The following TPST1 variants were observed in gnomAD, a reference collection of about 807,000 sequenced individuals.
The protein encoded by TPST1 is protein-tyrosine sulfotransferase 1.
TPST1 carries 20 observed loss-of-function variants against 34.8 expected under a neutral mutation model. The ratio of observed to expected loss-of-function variants is 0.57; its 90% CI spans 0.40 to 0.84. The LOEUF (loss-of-function observed/expected upper bound fraction) is 0.84. TPST1 is among the 40% of genes least tolerant of loss of function. TPST1 has a pLI of 0.00. For missense variants in TPST1, 353 were observed against 455.5 expected (o/e 0.78, Z 2.05); for synonymous variants, 152 against 159.4 (o/e 0.95, Z 0.35).
chr7:66,277,770 G>A (rs1238479435), intron 2 of TPST1, among the ~76,000 whole-genome samples: 1 of 152,000 alleles, frequency 6.6e-6, no homozygotes, highest in Non-Finnish European at 1.5e-5. Context: ...GACCTGACTG[G>A]TGTTTTAAAG....
intron 3 of TPST1, among the ~76,000 whole-genome samples, chr7:66,305,865 C>T (rs970052695): frequency 6.6e-6 from 1 of 152,204 alleles, no homozygotes; most frequent in African/African-American, 2.4e-5. Context: ...TTGGCCATTT[C>T]ACTTAAGTTG....
intron 1 of TPST1, among the ~76,000 whole-genome samples, chr7:66,219,915 T>G (rs1164806179): frequency 1.3e-5 from 2 of 152,198 alleles, no homozygotes; most frequent in East Asian, 3.8e-4. Context: ...TACCTTATTT[T>G]TCGTTGCAGC....
rs534342022 is a variant in TPST1, at chr7:66,340,076, C to G, written c.1045-12429C>G. Among the ~76,000 whole-genome samples, 6 of 152,186 alleles carry G rather than the reference C, an allele frequency of 3.9e-5. No individual in the cohort carries two copies. In the East Asian group the frequency reaches 1.2e-3, roughly 29 times the overall value. ...TTCGGTGAGGTGTAGTGGCTCATGC[C>G]TGTAATCCCAGCAATTTGGGAGGCT... On this transcript the variant is annotated intron_variant, in intron 3 of 5. Coordinates refer to ENST00000304842, the MANE Select transcript of TPST1 (RefSeq NM_003596.4).
intron 3 of TPST1, among the ~76,000 whole-genome samples, chr7:66,314,317 T>C (rs933512770): frequency 6.6e-6 from 1 of 152,196 alleles, no homozygotes; most frequent in Non-Finnish European, 1.5e-5. Context: ...GGAGGATCGC[T>C]TAAGCCCAGG....
At chr7:66,353,111 T>C (rs910503436) in intron 4 of TPST1, among the ~76,000 whole-genome samples, 1 of 152,136 alleles carries the variant, frequency 6.6e-6, no homozygotes, top group African/African-American at 2.4e-5. Context: ...AGTCGGGAGT[T>C]CAAGACCAGC....
In TPST1 at chr7:66,319,886, G is replaced by T. The variant is rs560279694; in HGVS notation, c.1045-32619G>T. Among the ~76,000 whole-genome samples, 4 of 152,144 alleles carry T rather than the reference G, an allele frequency of 2.6e-5. No individual in the cohort carries two copies. The East Asian group carries it at 7.7e-4, about 29-fold the overall frequency. The stretch of plus-strand genomic sequence containing the variant: ...CCAGAAATATTTATTTTTCTTTCCA[G>T]GGAGGCATTAGCAGTACCCTGGAAG... On this transcript the variant is annotated intron_variant, in intron 3 of 5. Transcript: ENST00000304842.
At chr7:66,353,398 G>C (rs1262563382) in intron 4 of TPST1, among the ~76,000 whole-genome samples, 1 of 152,206 alleles carries the variant, frequency 6.6e-6, no homozygotes, top group Non-Finnish European at 1.5e-5. Context: ...GAGCCCATGA[G>C]GTGGAGGTTG....
intron 2 of TPST1, among the ~76,000 whole-genome samples, chr7:66,264,073 C>G (rs943569957): frequency 3.3e-5 from 5 of 152,184 alleles, no homozygotes; most frequent in African/African-American, 1.2e-4. Context: ...TTTGTTTTGC[C>G]TTCTTAGGTG....
chr7:66,199,889 T>C, the TPST1 span, among the ~76,000 whole-genome samples: 1 of 151,908 alleles, frequency 6.6e-6, no homozygotes, highest in Admixed American at 6.6e-5. Flanking sequence ...AATTGTTGTA[T>C]TTTTAGAGAG....
At chr7:66,327,310 A>G (rs1381146196) in intron 3 of TPST1, among the ~76,000 whole-genome samples, 2 of 152,246 alleles carry the variant, frequency 1.3e-5, no homozygotes, top group African/African-American at 2.4e-5. Flanking sequence ...GGATTATATT[A>G]GAGTTTACAA....
At chr7:66,243,466 T>G (rs1233059831) in intron 2 of TPST1, among the ~76,000 whole-genome samples, 1 of 152,090 alleles carries the variant, frequency 6.6e-6, no homozygotes, top group African/African-American at 2.4e-5. Context: ...GTTTTTGAGA[T>G]GGAGTCTCTC....
intron 2 of TPST1, among the ~76,000 whole-genome samples, chr7:66,263,525 G>A (rs901907521): frequency 1.3e-5 from 2 of 152,064 alleles, no homozygotes; most frequent in South Asian, 2.1e-4. Context: ...GCAAGCTACC[G>A]GTTTCAGAAC....
intron 4 of TPST1, among the ~76,000 whole-genome samples, chr7:66,356,488 G>A (rs991630349): frequency 4.6e-5 from 7 of 152,182 alleles, no homozygotes; most frequent in Admixed American, 3.3e-4. Flanking sequence ...CAGAGTTGAC[G>A]TGGGCTCCAA....
chr7:66,352,130 A>G (rs1011802728), intron 3 of TPST1, among the ~76,000 whole-genome samples: 1 of 152,212 alleles, frequency 6.6e-6, no homozygotes, highest in African/African-American at 2.4e-5. Flanking sequence ...GGAACCAGGA[A>G]GAGCTTGTTC....
intron 3 of TPST1, among the ~76,000 whole-genome samples, chr7:66,338,887 G>A (rs1792175432): frequency 6.6e-6 from 1 of 151,884 alleles, no homozygotes; most frequent in African/African-American, 2.4e-5. Flanking sequence ...TACACCTCAA[G>A]GAACTAGAAA....
intron 3 of TPST1, among the ~76,000 whole-genome samples, chr7:66,305,922 A>G (rs1791413405): frequency 6.6e-6 from 1 of 152,230 alleles, no homozygotes. Context: ...GAGTCCTTCT[A>G]ATCTTTGTCA....
At chr7:66,357,974 C>T (rs1333971452) in intron 5 of TPST1, among the ~76,000 whole-genome samples, 1 of 152,114 alleles carries the variant, frequency 6.6e-6, no homozygotes, top group Non-Finnish European at 1.5e-5. Flanking sequence ...ATCCCAGCTA[C>T]TTGGGAGGCT....
intron 3 of TPST1, among the ~76,000 whole-genome samples, chr7:66,311,248 C>T (rs769879765): frequency 4.6e-5 from 7 of 152,140 alleles, no homozygotes; most frequent in East Asian, 1.9e-4. Flanking sequence ...AAGCCATCCT[C>T]CCACCTCAGC....
At chr7:66,346,759 C>A (rs1792359987) in intron 3 of TPST1, among the ~76,000 whole-genome samples, 1 of 152,016 alleles carries the variant, frequency 6.6e-6, no homozygotes, top group African/African-American at 2.4e-5. Context: ...CAAATATTTT[C>A]TTCCATTTGG....
Sources: allele counts gnomAD v4.1 joint callset (sites outside exome capture counted in the v4.1 genomes callset), GRCh38; gene constraint gnomAD v4.1.1; transcripts MANE v1.5; gene names NCBI Gene and HGNC (gene_info 2026-07-23, HGNC 2026-07-21).